Variants in BAG4 observed in about 807,000 individuals in gnomAD.
BAG4 encodes BAG family molecular chaperone regulator 4.
A neutral mutation model predicts 52.1 loss-of-function variants in BAG4; 28 were observed. That is an observed-to-expected ratio of 0.54 (90% confidence interval 0.40 to 0.74). BAG4 has a LOEUF of 0.74. BAG4 is among the 30% of genes least tolerant of loss of function. The pLI, the probability that BAG4 is intolerant of heterozygous loss-of-function variation, is 0.00. For synonymous variants in BAG4, 208 were observed against 217.0 expected (o/e 0.96, Z 0.37); for missense variants, 525 against 572.0 (o/e 0.92, Z 0.84).
chr8:38,199,365 T>C (rs77162995), intron 2 of BAG4, among the ~76,000 whole-genome samples: 12,054 of 152,260 alleles, frequency 0.079, 809 homozygotes, highest in East Asian at 0.31. Flanking sequence ...ATTCTGTGGG[T>C]TGGCTTTTCA....
At position 38,210,439 on chromosome 8, in the gene BAG4, G is replaced by C. The variant is rs770128549; in HGVS notation, c.1320G>C (p.Glu440Asp). ...GQDSVRQARK[E>D]AVCKIQAILE... Reference sequence around the variant, plus strand: ...ACTCTGTACGGCAGGCCAGAAAAGAGGCTGTTTGTAAGATTCAGGCCATAC... The same window carrying C: ...ACTCTGTACGGCAGGCCAGAAAAGACGCTGTTTGTAAGATTCAGGCCATAC... Residue 440 changes from glutamate (E) to aspartate (D), a missense_variant, in exon 5 of 5, where the codon GAG becomes GAC. By Grantham distance (45) the Glu-to-Asp change is conservative. Around this residue, in one of 2 missense-constraint regions of BAG4, gnomAD observed 238 missense variants for 305.8 expected, o/e 0.78. Transcript: ENST00000287322. 33 of 1,601,184 alleles carry C rather than the reference G, an allele frequency of 2.1e-5. No homozygotes were observed. The East Asian group carries it at 3.8e-4, about 18-fold the overall frequency.
At chr8:38,185,621 T>C (rs540448436) in intron 1 of BAG4, among the ~76,000 whole-genome samples, 6 of 152,258 alleles carry the variant, frequency 3.9e-5, no homozygotes, top group Admixed American at 3.3e-4. Flanking sequence ...AATGGCGCCA[T>C]CTTGGCGATC....
intron 1 of BAG4, among the ~76,000 whole-genome samples, chr8:38,189,813 T>TTTG (rs145500897): frequency 4.6e-5 from 7 of 151,910 alleles, no homozygotes; most frequent in South Asian, 4.1e-4. Context: ...TAAATTACGT[T>TTTG]TTGTTGTTGT....
chr8:38,185,608 T>C (rs1803352675), intron 1 of BAG4, among the ~76,000 whole-genome samples: 1 of 151,876 alleles, frequency 6.6e-6, no homozygotes, highest in African/African-American at 2.4e-5. Context: ...CAGGCTGGAG[T>C]ACAATGGCGC....
chr8:38,184,744 A>C (rs1803334843), intron 1 of BAG4, among the ~76,000 whole-genome samples: 1 of 152,128 alleles, frequency 6.6e-6, no homozygotes, highest in Non-Finnish European at 1.5e-5. Flanking sequence ...CAAGCTGGGG[A>C]GGGAGAAAGG....
intron 2 of BAG4, among the ~76,000 whole-genome samples, chr8:38,194,493 T>G (rs1382802695): frequency 6.6e-6 from 1 of 150,560 alleles, no homozygotes; most frequent in East Asian, 2.0e-4. Context: ...CTCAGCTCAT[T>G]GCAACCTCCG....
chr8:38,183,036 CTTTTTTTTT>C (rs539995423), intron 1 of BAG4, among the ~76,000 whole-genome samples: 2 of 100,102 alleles, frequency 2.0e-5, no homozygotes, highest in African/African-American at 7.4e-5. Flanking sequence ...ACTGACCCAT[CTTTTTTTTT>C]TTTTTTTTTT....
rs377644522 is a variant in BAG4 at position 38,210,253 on chromosome 8, G to A, written c.1134G>A (p.Pro378=). Residue 378 remains proline, a synonymous_variant, in exon 5 of 5, where the codon CCG becomes CCA. Coordinates refer to ENST00000287322, the MANE Select transcript of BAG4 (RefSeq NM_004874.4). ...ECVPSDESTP[P]SIKKIIHVLE... is the part of the protein sequence containing the mutation. ...TACCTTCAGATGAAAGTACTCCTCC[G>A]AGTATTAAAAAAATCATACATGTGC... 10 of 1,613,894 alleles carry A rather than the reference G, an allele frequency of 6.2e-6. No homozygotes were observed. Among genetic ancestry groups the A allele is most frequent in the East Asian group, 4.5e-5 (2 of 44,884 alleles).
At chr8:38,191,053 C>G (rs1438515107) in intron 1 of BAG4, among the ~76,000 whole-genome samples, 3 of 152,150 alleles carry the variant, frequency 2.0e-5, no homozygotes, top group African/African-American at 7.2e-5. Context: ...GCCACTGTGC[C>G]TGGCCAAGTT....
chr8:38,199,473 A>G (rs1803621310), intron 2 of BAG4, among the ~76,000 whole-genome samples: 1 of 150,620 alleles, frequency 6.6e-6, no homozygotes, highest in Non-Finnish European at 1.5e-5. Flanking sequence ...TTGATGTCTT[A>G]TCCAAGAAGA....
Position 38,192,668 on chromosome 8 carries a change from T to C in BAG4, c.271-20T>C. On this transcript the variant is annotated intron_variant, in intron 1 of 4. Transcript: ENST00000287322. The stretch of plus-strand genomic sequence containing the variant: ...GTATGAATGTTATTAAGAGTGAATT[T>C]ATTTTTCTTTTTTTCTTAGGAGCAG... The C allele has an allele frequency of 6.4e-7, 1 of 1,557,692 alleles. No individual in the cohort carries two copies. The highest frequency in any genetic ancestry group is 8.8e-7 in the Non-Finnish European group (1 of 1,137,678).
In BAG4 at chr8:38,192,734, C is replaced by G; in HGVS notation, c.317C>G (p.Thr106Ser). ...PSYNSNYWNSTARSRAPYPST... is the reference protein window; with the variant it reads ...PSYNSNYWNSSARSRAPYPST... ...TACAATTCTAACTATTGGAATTCTA[C>G]TGCGAGATCTAGGGCTCCTTACCCA... Residue 106 changes from threonine to serine, a missense_variant, in exon 2 of 5, where the codon ACT becomes AGT. Transcript: ENST00000287322. 1 of 1,613,548 alleles carries G rather than the reference C, an allele frequency of 6.2e-7. No homozygotes were observed. Among genetic ancestry groups the G allele is most frequent in the Non-Finnish European group, 8.5e-7 (1 of 1,179,838 alleles).
In BAG4 at chr8:38,207,783, T is replaced by C; in HGVS notation, c.633+17T>C. ...CCTTCACAGGTGAGTTGTTTTCTAT[T>C]GGGAAAAAAATGAATTCAAAGTCTC... On this transcript the variant is annotated intron_variant, in intron 3 of 4. Transcript: ENST00000287322. 1 of 1,611,684 alleles carries C rather than the reference T, an allele frequency of 6.2e-7. No homozygotes were observed. Among genetic ancestry groups the C allele is most frequent in the Non-Finnish European group, 8.5e-7 (1 of 1,179,064 alleles).
intron 2 of BAG4, among the ~76,000 whole-genome samples, chr8:38,206,426 A>C (rs1000973392): frequency 6.6e-6 from 1 of 152,030 alleles, no homozygotes; most frequent in Non-Finnish European, 1.5e-5. Flanking sequence ...GGTTATTTAA[A>C]ACTACAGTGA....
intron 1 of BAG4, among the ~76,000 whole-genome samples, chr8:38,177,732 T>C (rs183258355): frequency 1.6e-3 from 242 of 152,344 alleles, no homozygotes; most frequent in Non-Finnish European, 2.2e-3. Context: ...CCCTTTTTTT[T>C]GTTTTCGAAT....
chr8:38,210,292 G>T lies in BAG4; in HGVS notation c.1173G>T (p.Gln391His). The change falls in exon 5 of 5, where the codon CAG becomes CAT. Residue 391 changes from glutamine to histidine, a missense_variant. Around this residue, in one of 2 missense-constraint regions of BAG4, gnomAD observed 238 missense variants for 305.8 expected, o/e 0.78. Transcript: ENST00000287322. ...KKIIHVLEKVQYLEQEVEEFV... is the reference protein window; with the variant it reads ...KKIIHVLEKVHYLEQEVEEFV... Reference sequence around the variant, plus strand: ...TCATACATGTGCTGGAGAAGGTCCAGTATCTTGAACAAGAAGTAGAAGAAT... The same window carrying T: ...TCATACATGTGCTGGAGAAGGTCCATTATCTTGAACAAGAAGTAGAAGAAT... 1 of 1,614,164 alleles carries T rather than the reference G, an allele frequency of 6.2e-7. No individual in the cohort carries two copies. Among genetic ancestry groups the T allele is most frequent in the Non-Finnish European group, 8.5e-7 (1 of 1,180,030 alleles).
chr8:38,198,313 G>A (rs1466609554), intron 2 of BAG4, among the ~76,000 whole-genome samples: 1 of 148,772 alleles, frequency 6.7e-6, no homozygotes, highest in Admixed American at 6.7e-5. Context: ...GAATCCGGGA[G>A]GCGGAGCTTG....
rs1803307610 is a variant in BAG4, at chr8:38,183,375, C to T, written c.270+6236C>T. Among the ~76,000 whole-genome samples the T allele has an allele frequency of 2.6e-5, 4 of 151,920 alleles. No individual in the cohort carries two copies. In the South Asian group the frequency reaches 8.3e-4, roughly 32 times the overall value. ...TTTAAGCTTTTGCAAGTGTAATCAACCAGGTAAGGGTGGTAAGGGCTATTT... is the reference window on the plus strand; with the variant it reads ...TTTAAGCTTTTGCAAGTGTAATCAATCAGGTAAGGGTGGTAAGGGCTATTT... On this transcript the variant is annotated intron_variant, in intron 1 of 4. Transcript: ENST00000287322.
intron 2 of BAG4, chr8:38,201,858 ATATATATATATATATATATATAT>A (rs1803672211): frequency 3.1e-4 from 3 of 9,646 alleles, no homozygotes; most frequent in African/African-American, 6.8e-4. Flanking sequence ...ATATATATAT[ATATATATATATATATATATATAT>A]TTTTTTTTTT....
Sources: gnomAD v4.1 joint callset for allele counts (sites outside exome capture counted in the v4.1 genomes callset) on GRCh38, gnomAD v4.1.1 for gene constraint, gnomAD v4.1.1 regional missense constraint, MANE v1.5 for transcripts, NCBI Gene and HGNC (gene_info 2026-07-23, HGNC 2026-07-21) for gene names.